SV2A: variants seen among roughly 807,000 people sequenced by gnomAD.
The protein encoded by SV2A is solute carrier family 22 member B1.
Under a neutral mutation model 78.0 loss-of-function variants are expected in SV2A, and 25 were observed. The ratio of observed to expected loss-of-function variants is 0.32; its 90% CI spans 0.23 to 0.45. SV2A has a LOEUF of 0.45. Among genes scored for constraint, SV2A ranks in the 20% least tolerant of loss-of-function variants. The pLI, the probability that SV2A is intolerant of heterozygous loss-of-function variation, is 1.00. For synonymous variants in SV2A, 355 were observed against 384.7 expected, an observed-to-expected ratio of 0.92 and a Z score of 0.90; for missense variants, 752 against 971.5, an observed-to-expected ratio of 0.77 and a Z score of 3.00.
At chr1:149,912,785 C>T (rs1571507070) in intron 2 of SV2A, among the ~76,000 whole-genome samples, 1 of 142,996 alleles carries the variant, frequency 7.0e-6, no homozygotes, top group Admixed American at 6.7e-5. Flanking sequence ...CAGGACCCTC[C>T]CCCCCTCCCC....
rs376008438 is a variant in SV2A at position 149,909,287 on chromosome 1, G to C, written c.1291-7C>G. ...AGAGAAAATTCCCCCAAACCTACAG[G>C]GGACCAGACAAAGTCAGACCTTGAC... On this transcript the variant is annotated splice_region_variant and splice_polypyrimidine_tract_variant and intron_variant, in intron 7 of 12. Transcript: ENST00000369146. The C allele has an allele frequency of 3.7e-6, 6 of 1,613,652 alleles. No homozygotes were observed. The highest frequency in any genetic ancestry group is 1.7e-5 in the Admixed American group (1 of 59,976).
chr1:149,905,617 AT>A, intron 12 of SV2A: 2 of 379,688 alleles, frequency 5.3e-6, no homozygotes, highest in East Asian at 5.6e-5. Context: ...AACTTTTTGT[AT>A]TTTTAGTACA....
intron 12 of SV2A, 27 bp from the exon 13 acceptor site, chr1:149,905,224 C>T (rs369898807): frequency 5.3e-5 from 84 of 1,587,908 alleles, no homozygotes; most frequent in East Asian, 9.0e-5. Flanking sequence ...CAGTGCAGCA[C>T]GGCGCAAGGT....
intron 1 of SV2A, among the ~76,000 whole-genome samples, chr1:149,916,400 A>C (rs2092514208): frequency 1.3e-5 from 2 of 152,220 alleles, no homozygotes; most frequent in Admixed American, 1.3e-4. Flanking sequence ...TTAGCCCCCA[A>C]AACAGCACAG....
At chr1:149,911,691 AC>A in intron 3 of SV2A, 108 bp downstream of exon 3, 1 of 1,150,968 alleles carries the variant, frequency 8.7e-7, no homozygotes, top group Non-Finnish European at 1.2e-6. Flanking sequence ...TTCAACTCAC[AC>A]AGATTTAAGG....
chr1:149,907,169 T>C (rs3820446), intron 10 of SV2A, among the ~76,000 whole-genome samples: 1 of 152,244 alleles, frequency 6.6e-6, no homozygotes, highest in East Asian at 1.9e-4. Flanking sequence ...ACTTAGGAAA[T>C]TTTTCTGAGA....
chr1:149,913,270 G>A lies in SV2A; in HGVS notation c.571C>T (p.Pro191Ser). The A allele has an allele frequency of 6.2e-7, 1 of 1,614,082 alleles. No homozygotes were observed. Among genetic ancestry groups the A allele is most frequent in the Non-Finnish European group, 8.5e-7 (1 of 1,180,010 alleles). The change falls in exon 2 of 13, where the codon CCC (proline) becomes TCC (serine). Residue 191 changes from proline to serine, a missense_variant. Pro to Ser is a moderately conservative substitution (Grantham distance 74). Transcript: ENST00000369146. ...AGGCACATGTCTTTCTCAGCGCTGG[G>A]CAGCACGAAGCCCACCACAAAGACC... Reference protein sequence around the residue: ...VEVFVVGFVLPSAEKDMCLSD... With the variant: ...VEVFVVGFVLSSAEKDMCLSD...
In SV2A at chr1:149,905,073, C is replaced by T. The variant is rs200788862; in HGVS notation, c.2170G>A (p.Ala724Thr). The change falls in exon 13 of 13, where the codon GCC becomes ACC. Residue 724 changes from alanine to threonine, a missense_variant. Around this residue, in one of 7 missense-constraint regions of SV2A, gnomAD observed 186 missense variants for 274.6 expected, o/e 0.68. Coordinates refer to ENST00000369146, the MANE Select transcript of SV2A (RefSeq NM_014849.5). ...APILFASAAL[A>T]LGSSLALKLP... ...TTCAGGGCCAGAGAGCTGCCAAGGGCAAGGGCAGCTGAGGCAAAGAGGATG... is the reference window on the plus strand; with the variant it reads ...TTCAGGGCCAGAGAGCTGCCAAGGGTAAGGGCAGCTGAGGCAAAGAGGATG... 1.9e-6 allele frequency: 3 copies of T among 1,613,402 alleles called. No individual in the cohort carries two copies. The highest frequency in any genetic ancestry group is 1.3e-5 in the African/African-American group (1 of 75,060).
chr1:149,914,742 G>T (rs1010634773), intron 1 of SV2A, among the ~76,000 whole-genome samples: 1 of 152,152 alleles, frequency 6.6e-6, no homozygotes, highest in Admixed American at 6.5e-5. Flanking sequence ...CAAAGACATG[G>T]GGTTGACTTC....
In SV2A at chr1:149,904,720, C is replaced by A; in HGVS notation, c.*294G>T. The stretch of plus-strand genomic sequence containing the variant: ...ACCCCTGGAACAGGGAAGCAAGGGC[C>A]CCTCTCTAACAGGGGGAGAAGGATG... On this transcript the variant is annotated 3_prime_UTR_variant, in exon 13 of 13. Transcript: ENST00000369146. 1 of 315,334 alleles carries A rather than the reference C, an allele frequency of 3.2e-6. No homozygotes were observed. Among genetic ancestry groups the A allele is most frequent in the Non-Finnish European group, 5.9e-6 (1 of 170,908 alleles). 19.5% of individuals were successfully genotyped at this position (315,334 alleles called of 1,614,324 possible).
rs587740779 is a variant in SV2A, at chr1:149,909,343, AC to A, written c.1291-64del. 714 of 1,586,462 alleles carry A rather than the reference AC, an allele frequency of 4.5e-4. 6 individuals are homozygous for A. In the Admixed American group the frequency reaches 8.5e-3, roughly 19 times the overall value. Reference sequence around the variant, plus strand: ...TAAGTTCTAGCACCCATAGATCCCCACTTTTCTGCCCTCCCACCTCCCTTCA... The same window carrying A: ...TAAGTTCTAGCACCCATAGATCCCCATTTTCTGCCCTCCCACCTCCCTTCA... On this transcript the variant is annotated intron_variant, in intron 7 of 12. Transcript: ENST00000369146.
chr1:149,905,933 T>G lies in SV2A; in HGVS notation c.1992A>C (p.Ala664=), dbSNP rs1553762668. 1.9e-6 allele frequency: 3 copies of G among 1,613,980 alleles called. No individual in the cohort carries two copies. The African/African-American group carries it at 4.0e-5, about 22-fold the overall frequency. ...LLCLFGGVSI[A]SWNALDVLTV... is the part of the protein sequence containing the mutation. ...TCAACACGTCCAGCGCATTCCAGGA[T>G]GCAATGCTGACCCCGCCAAAAAGGC... The change falls in exon 12 of 13, where the codon GCA becomes GCC. Residue 664 remains alanine (A), a synonymous_variant. Coordinates refer to ENST00000369146, the MANE Select transcript of SV2A (RefSeq NM_014849.5).
intron 3 of SV2A, among the ~76,000 whole-genome samples, chr1:149,911,366 T>C (rs955060748): frequency 3.9e-5 from 6 of 152,202 alleles, no homozygotes; most frequent in African/African-American, 1.4e-4. Flanking sequence ...GGGCCTGCCA[T>C]GCTTGCAAAA....
intron 3 of SV2A, 97 bp downstream of exon 3, chr1:149,911,703 T>G: frequency 1.6e-6 from 2 of 1,230,782 alleles, no homozygotes; most frequent in East Asian, 5.0e-5. Flanking sequence ...AGATTTAAGG[T>G]GCATTTGGTG....
chr1:149,908,407 G>A, intron 8 of SV2A, among the ~76,000 whole-genome samples: 1 of 152,140 alleles, frequency 6.6e-6, no homozygotes, highest in East Asian at 1.9e-4. Context: ...GCGCTCCTGG[G>A]GGACTTCAGG....
At position 149,911,840 on chromosome 1, in the gene SV2A, A is replaced by G; in HGVS notation, c.763T>C (p.Tyr255His). 1 of 1,614,198 alleles carries G rather than the reference A, an allele frequency of 6.2e-7. No homozygotes were observed. Among genetic ancestry groups the G allele is most frequent in the Non-Finnish European group, 8.5e-7 (1 of 1,180,042 alleles). Residue 255 changes from tyrosine (Y) to histidine (H), a missense_variant, in exon 3 of 13, where the codon TAC (tyrosine) becomes CAC (histidine). By Grantham distance (83) the Tyr-to-His change is moderately conservative. Transcript: ENST00000369146. The stretch of plus-strand genomic sequence containing the variant: ...AGGCGGCAGAAGAGGAAAGTGCCGT[A>G]ACCCTGGACAAAAGATGAGAAGAAG... The part of the protein sequence containing the change: ...FAFFSSFVQG[Y>H]GTFLFCRLLS...
rs182121335 is a variant in SV2A at position 149,905,477 on chromosome 1, G to A, written c.2046-280C>T. On this transcript the variant is annotated intron_variant, in intron 12 of 12. Transcript: ENST00000369146. ...TTTCCTTTTTTTTTTTTTTTGAGAC[G>A]GAGTCTTGCTCTGTTGCCCAGGCTG... 657 of 311,582 alleles carry A rather than the reference G, an allele frequency of 2.1e-3. 23 individuals carry two copies. The East Asian group carries it at 0.033, about 16-fold the overall frequency. 19.3% of individuals were successfully genotyped at this position (311,582 alleles called of 1,614,324 possible).
At chr1:149,916,412 G>A (rs1553764554) in intron 1 of SV2A, among the ~76,000 whole-genome samples, 7 of 152,230 alleles carry the variant, frequency 4.6e-5, no homozygotes. Context: ...ACAGCACAGG[G>A]TGGCTAAGCC....
Position 149,913,294 on chromosome 1 carries a change from C to T in SV2A, c.547G>A (p.Val183Ile). 1.2e-6 allele frequency: 2 copies of T among 1,614,150 alleles called. No individual in the cohort carries two copies. The highest frequency in any genetic ancestry group is 1.1e-5 in the South Asian group (1 of 91,074). ...GGCAGCACGAAGCCCACCACAAAGA[C>T]CTCCACACCGTCAGCCATCAGCGCC... is the stretch of plus-strand genomic sequence containing the variant. Reference protein sequence around the residue: ...GLALMADGVEVFVVGFVLPSA... With the variant: ...GLALMADGVEIFVVGFVLPSA... Residue 183 changes from valine to isoleucine, a missense_variant, in exon 2 of 13, where the codon GTC (valine) becomes ATC (isoleucine). Transcript: ENST00000369146.
Sources: gnomAD v4.1 joint callset for allele counts (sites outside exome capture counted in the v4.1 genomes callset) on GRCh38, gnomAD v4.1.1 for gene constraint, gnomAD v4.1.1 regional missense constraint, MANE v1.5 for transcripts, NCBI Gene and HGNC (gene_info 2026-07-23, HGNC 2026-07-21) for gene names.